ZNF185: variants seen among roughly 807,000 people sequenced by gnomAD.
The protein encoded by ZNF185 is zinc finger protein 185.
ZNF185 carries 56 observed loss-of-function variants against 58.6 expected under a neutral mutation model. That is an observed-to-expected ratio of 0.95 (90% confidence interval 0.77 to 1.19). ZNF185 has a LOEUF of 1.19. ZNF185 is among the 50% of genes most tolerant of loss of function. The pLI, the probability that ZNF185 is intolerant of heterozygous loss-of-function variation, is 0.00. For synonymous variants in ZNF185, 230 were observed against 215.9 expected, an observed-to-expected ratio of 1.07 and a Z score of -0.57; for missense variants, 627 against 573.5, an observed-to-expected ratio of 1.09 and a Z score of -0.95.
Position 152,914,887 on chromosome X carries a change from G to T in ZNF185, c.158+54G>T, listed in dbSNP as rs181585349. On this transcript the variant is annotated intron_variant, in intron 2 of 22. Transcript: ENST00000449285. ...AGCAACGTGGGGGCGCGCAATCCGT[G>T]GGGGACCGACCATACCTGGGGATGC... 9.8e-4 allele frequency: 1,123 copies of T among 1,146,216 alleles called. 13 individuals carry two copies. In the African/African-American group the frequency reaches 0.018, roughly 19 times the overall value. 94.5% of individuals were successfully genotyped at this position (1,146,216 alleles called of 1,213,427 possible).
At chrX:152,900,844 C>G in the ZNF185 span, among the ~76,000 whole-genome samples, 2 of 112,619 alleles carry the variant, frequency 1.8e-5, no homozygotes, top group Non-Finnish European at 3.8e-5. Flanking sequence ...AGCCACCATC[C>G]AGTTGTGCAA....
At chrX:152,934,159 G>A (rs1556879745) in intron 14 of ZNF185, among the ~76,000 whole-genome samples, 3 of 112,749 alleles carry the variant, frequency 2.7e-5, no homozygotes, top group African/African-American at 9.7e-5. Flanking sequence ...ACCTTCTAGT[G>A]GCTCTCCATT....
intron 14 of ZNF185, among the ~76,000 whole-genome samples, chrX:152,937,394 C>T (rs782391169): frequency 8.9e-6 from 1 of 111,975 alleles, no homozygotes; most frequent in South Asian, 3.8e-4. Flanking sequence ...GCGTGGCCAG[C>T]TCTCCCTTGC....
intron 22 of ZNF185, 42 bp downstream of exon 24, chrX:152,970,583 A>G: frequency 2.7e-6 from 3 of 1,129,434 alleles, no homozygotes; most frequent in Non-Finnish European, 3.6e-6. Flanking sequence ...CAAGAGACTC[A>G]TTAAGGAGTA....
chrX:152,967,283 G>T (rs781874929), intron 20 of ZNF185, 45 bp downstream of exon 22: 2 of 1,142,986 alleles, frequency 1.7e-6, no homozygotes. Context: ...CTACAGAGGA[G>T]AATCAGGGAA....
At chrX:152,951,297 A>T (rs2048290682) in intron 16 of ZNF185, among the ~76,000 whole-genome samples, 1 of 111,713 alleles carries the variant, frequency 9.0e-6, no homozygotes, top group African/African-American at 3.2e-5. Context: ...CAACATTTTA[A>T]TTTTATACAA....
At chrX:152,941,789 G>T in intron 15 of ZNF185, 6 of 1,164,098 alleles carry the variant, frequency 5.2e-6, no homozygotes, top group Non-Finnish European at 6.9e-6. Flanking sequence ...GTCGCCCGAG[G>T]ATCACGAATG....
intron 16 of ZNF185, among the ~76,000 whole-genome samples, chrX:152,948,442 C>T (rs782550667): frequency 3.6e-5 from 4 of 111,394 alleles, no homozygotes; most frequent in South Asian, 3.8e-4. Flanking sequence ...AGGGTGCCTA[C>T]GTGACCAGTC....
At chrX:152,943,193 G>A (rs2047427122) in intron 15 of ZNF185, among the ~76,000 whole-genome samples, 1 of 110,811 alleles carries the variant, frequency 9.0e-6, no homozygotes, top group African/African-American at 3.3e-5. Flanking sequence ...AGGAGTTTTT[G>A]CCATGTTGCG....
intron 17 of ZNF185, among the ~76,000 whole-genome samples, chrX:152,962,185 A>AG (rs1333803822): frequency 1.8e-5 from 2 of 111,054 alleles, no homozygotes; most frequent in Non-Finnish European, 3.8e-5. Flanking sequence ...TGAGGTGAGC[A>AG]GGGGGCAGGA....
At chrX:152,962,037 C>T (rs1330865286) in intron 17 of ZNF185, among the ~76,000 whole-genome samples, 1 of 111,756 alleles carries the variant, frequency 8.9e-6, no homozygotes, top group African/African-American at 3.3e-5. Context: ...GCTTTTCTAT[C>T]GAGGAGGAGA....
intron 20 of ZNF185, among the ~76,000 whole-genome samples, chrX:152,968,624 G>A (rs190684991): frequency 1.7e-3 from 190 of 112,714 alleles, no homozygotes; most frequent in African/African-American, 5.6e-3. Context: ...CAAGCTGCCC[G>A]TGACACTTCT....
rs182265965 is a variant in ZNF185 at position 152,937,698 on chromosome X, A to G, written c.1122-376A>G. On this transcript the variant is annotated intron_variant, in intron 14 of 22. Coordinates refer to ENST00000449285, the Ensembl canonical transcript of ZNF185. ...CATAAACAGGTTATATAAGAAGTGGAGGTGTGCACCTGTGCACCAGACTCA... is the reference window on the plus strand; with the variant it reads ...CATAAACAGGTTATATAAGAAGTGGGGGTGTGCACCTGTGCACCAGACTCA... Among the ~76,000 whole-genome samples, 149 of 112,568 alleles carry G rather than the reference A, an allele frequency of 1.3e-3. 1 individual carries two copies. Among genetic ancestry groups the G allele is most frequent in the African/African-American group, 4.8e-3 (148 of 30,943 alleles).
intron 16 of ZNF185, among the ~76,000 whole-genome samples, chrX:152,950,673 AT>A (rs1312933035): frequency 8.9e-6 from 1 of 112,025 alleles, no homozygotes; most frequent in African/African-American, 3.2e-5. Flanking sequence ...GAAAGAACTA[AT>A]CCTTTGAGAT....
chrX:152,948,557 G>C (rs1556897315), intron 16 of ZNF185, among the ~76,000 whole-genome samples: 1 of 111,899 alleles, frequency 8.9e-6, no homozygotes, highest in African/African-American at 3.3e-5. Context: ...AGTGAATCCT[G>C]TGTGACCCAC....
At chrX:152,935,802 G>A (rs901786222) in intron 14 of ZNF185, among the ~76,000 whole-genome samples, 5 of 112,072 alleles carry the variant, frequency 4.5e-5, no homozygotes, top group African/African-American at 1.6e-4. Context: ...TAGTGAGTGT[G>A]CTGGTTAGTG....
In ZNF185 at chrX:152,960,341, C is replaced by T. The variant is rs782628873; in HGVS notation, c.1607+445C>T. On this transcript the variant is annotated intron_variant, in intron 17 of 22. Coordinates refer to ENST00000449285, the Ensembl canonical transcript of ZNF185. ...GCACTGGGATGGCCATGGATTTGGACAGTAATGTAGCTCCACAGTGCTGAC... is the reference window on the plus strand; with the variant it reads ...GCACTGGGATGGCCATGGATTTGGATAGTAATGTAGCTCCACAGTGCTGAC... Among the ~76,000 whole-genome samples, 5 of 112,555 alleles carry T rather than the reference C, an allele frequency of 4.4e-5. No homozygotes were observed. The East Asian group carries it at 1.4e-3, about 31-fold the overall frequency.
intron 14 of ZNF185, among the ~76,000 whole-genome samples, chrX:152,934,367 G>A (rs1486707119): frequency 1.8e-5 from 2 of 112,186 alleles, no homozygotes; most frequent in Admixed American, 1.9e-4. Context: ...ATGTCACCCC[G>A]CCTGCTTATA....
chrX:152,920,283 C>T (rs1939433408), intron 7 of ZNF185, 45 bp from the exon 9 acceptor site: 1 of 1,172,221 alleles, frequency 8.5e-7, no homozygotes, highest in Non-Finnish European at 1.2e-6. Flanking sequence ...AGAGCATGTC[C>T]AGCTTGGCAC....
Sources: allele counts gnomAD v4.1 joint callset (sites outside exome capture counted in the v4.1 genomes callset), GRCh38; gene constraint gnomAD v4.1.1; transcripts MANE v1.5; gene names NCBI Gene and HGNC (gene_info 2026-07-23, HGNC 2026-07-21).